DIAPH2: variants seen among roughly 807,000 people sequenced by gnomAD.
DIAPH2 encodes the protein diaphanous related formin 2.
In DIAPH2, 35 loss-of-function variants were observed where a neutral mutation model predicts 92.7. That is an observed-to-expected ratio of 0.38 (90% CI 0.29 to 0.50). DIAPH2 has a LOEUF of 0.50. DIAPH2 is among the 20% of genes least tolerant of loss of function. The pLI is 0.94. For missense variants in DIAPH2, 701 were observed against 819.5 expected (o/e 0.86, Z 1.77); for synonymous variants, 301 against 280.4 (o/e 1.07, Z -0.73).
chrX:97,114,124 A>G (rs1293222418), intron 20 of DIAPH2, among the ~76,000 whole-genome samples: 3 of 112,299 alleles, frequency 2.7e-5, no homozygotes, highest in East Asian at 2.8e-4. Flanking sequence ...TGATTTTACT[A>G]TCATCTAATT....
At chrX:97,059,816 G>T (rs1430897445) in intron 17 of DIAPH2, among the ~76,000 whole-genome samples, 1 of 111,405 alleles carries the variant, frequency 9.0e-6, no homozygotes, top group African/African-American at 3.3e-5. Context: ...GATTGGTCTT[G>T]CTGTCTAGGG....
chrX:97,260,912 CT>C lies in DIAPH2; in HGVS notation c.2844+13080del, dbSNP rs904041784. ...CAGTGGTTTCCTCTTTCAACATTTA[CT>C]TTTTTTATTTAAACAGCTTAATCGA... On this transcript the variant is annotated intron_variant, in intron 23 of 26. Transcript: ENST00000324765. Among the ~76,000 whole-genome samples, 8 of 111,567 alleles carry C rather than the reference CT, an allele frequency of 7.2e-5. No homozygotes were observed. The Admixed American group carries it at 7.7e-4, about 11-fold the overall frequency.
chrX:96,922,473 C>G (rs1230239322), intron 9 of DIAPH2, among the ~76,000 whole-genome samples: 1 of 111,303 alleles, frequency 9.0e-6, no homozygotes, highest in East Asian at 2.8e-4. Flanking sequence ...CCTTTATCTT[C>G]TCCCACCAAT....
intron 26 of DIAPH2, among the ~76,000 whole-genome samples, chrX:97,585,125 C>T (rs1055193501): frequency 9.0e-6 from 1 of 111,619 alleles, no homozygotes; most frequent in Non-Finnish European, 1.9e-5. Context: ...GATCAGTACA[C>T]TAGTCACTCA....
chrX:96,791,741 C>G (rs1215461913), intron 4 of DIAPH2, among the ~76,000 whole-genome samples: 1 of 110,969 alleles, frequency 9.0e-6, no homozygotes, highest in Non-Finnish European at 1.9e-5. Flanking sequence ...GTTCGGTAGG[C>G]AAGCCTCCAA....
At chrX:97,300,930 T>TC (rs2068693109) in intron 23 of DIAPH2, among the ~76,000 whole-genome samples, 1 of 8,588 alleles carries the variant, frequency 1.2e-4, no homozygotes, top group African/African-American at 3.9e-4. Context: ...AGACTCCGTC[T>TC]TAAAAAAAAA....
chrX:97,460,052 C>T (rs1203858303), intron 26 of DIAPH2, among the ~76,000 whole-genome samples: 1 of 112,113 alleles, frequency 8.9e-6, no homozygotes, highest in Non-Finnish European at 1.9e-5. Flanking sequence ...AGACAGAGTT[C>T]TTTGTCCCAC....
chrX:96,953,995 T>TA (rs551436323), intron 15 of DIAPH2: 7 of 111,865 alleles, frequency 6.3e-5, no homozygotes, highest in African/African-American at 2.0e-4. Flanking sequence ...TTCAGTAAAT[T>TA]AAAAAAACAC....
intron 24 of DIAPH2, among the ~76,000 whole-genome samples, chrX:97,378,338 G>A (rs1004885397): frequency 1.9e-5 from 2 of 106,393 alleles, no homozygotes; most frequent in African/African-American, 3.4e-5. Flanking sequence ...AGCTGAGATC[G>A]CGCCACTGCA....
intron 19 of DIAPH2, among the ~76,000 whole-genome samples, chrX:97,081,379 CTA>C (rs2066743442): frequency 1.8e-5 from 2 of 112,100 alleles, no homozygotes; most frequent in East Asian, 5.6e-4. Context: ...TTTATTCTCT[CTA>C]TGTCTATTAT....
chrX:97,179,754 A>G (rs1384777630), intron 22 of DIAPH2, among the ~76,000 whole-genome samples: 1 of 111,596 alleles, frequency 9.0e-6, no homozygotes, highest in African/African-American at 3.3e-5. Context: ...CATGCTGCTG[A>G]TGAAGACATA....
At chrX:97,453,920 T>C (rs1569401583) in intron 26 of DIAPH2, 1 of 111,681 alleles carries the variant, frequency 9.0e-6, no homozygotes. Flanking sequence ...TTCTGTAACA[T>C]TGCAGCACAG....
intron 23 of DIAPH2, among the ~76,000 whole-genome samples, chrX:97,293,940 G>A (rs756568652): frequency 8.9e-6 from 1 of 111,871 alleles, no homozygotes; most frequent in Non-Finnish European, 1.9e-5. Context: ...TAATATGTTC[G>A]AAGTATCAAG....
At chrX:97,323,626 G>A (rs183730224) in intron 23 of DIAPH2, among the ~76,000 whole-genome samples, 126 of 99,021 alleles carry the variant, frequency 1.3e-3, no homozygotes, top group African/African-American at 4.4e-3. Flanking sequence ...CTCAGGGACC[G>A]GGTGCGGTGG....
intron 23 of DIAPH2, among the ~76,000 whole-genome samples, chrX:97,298,884 C>G (rs972366725): frequency 9.0e-6 from 1 of 111,444 alleles, no homozygotes; most frequent in African/African-American, 3.3e-5. Context: ...TCCCAAAGTG[C>G]TGGGATTACA....
At chrX:97,461,020 T>G (rs2070453706) in intron 26 of DIAPH2, among the ~76,000 whole-genome samples, 1 of 112,142 alleles carries the variant, frequency 8.9e-6, no homozygotes, top group Non-Finnish European at 1.9e-5. Context: ...AATTCCAGAA[T>G]GTATGACCCT....
At chrX:97,469,208 G>T (rs2070540775) in intron 26 of DIAPH2, among the ~76,000 whole-genome samples, 1 of 111,725 alleles carries the variant, frequency 9.0e-6, no homozygotes, top group African/African-American at 3.2e-5. Context: ...TGACCAAAAT[G>T]TTGATTTCCT....
intron 1 of DIAPH2, among the ~76,000 whole-genome samples, chrX:96,689,591 A>G (rs368272698): frequency 1.1e-4 from 12 of 109,594 alleles, no homozygotes; most frequent in East Asian, 5.7e-4. Flanking sequence ...AGTACCACAC[A>G]CCCTGAACAT....
chrX:96,896,864 G>C (rs1258387177), intron 5 of DIAPH2, among the ~76,000 whole-genome samples: 1 of 111,597 alleles, frequency 9.0e-6, no homozygotes, highest in African/African-American at 3.3e-5. Context: ...CAAATGCTTT[G>C]TTTGTATGTC....
Sources: allele counts gnomAD v4.1 joint callset (sites outside exome capture counted in the v4.1 genomes callset), GRCh38; gene constraint gnomAD v4.1.1; transcripts MANE v1.5; gene names NCBI Gene and HGNC (gene_info 2026-07-23, HGNC 2026-07-21).